The following LZTR1 variants were observed in gnomAD, a reference collection of about 807,000 sequenced individuals.
LZTR1 encodes leucine zipper like post translational regulator 1.
Under a neutral mutation model 105.7 loss-of-function variants are expected in LZTR1, and 260 were observed. The observed-to-expected ratio is 2.46, with a 90% CI of 2.22 to 2.72. LZTR1 has a LOEUF of 2.72. Ranked by LOEUF, LZTR1 falls within the 30% of genes most tolerant of loss-of-function variation. The pLI, the probability that LZTR1 is intolerant of heterozygous loss-of-function variation, is 0.00. For synonymous variants in LZTR1, 490 were observed against 476.4 expected (o/e 1.03, Z -0.37); for missense variants, 1,214 against 1,166.9 (o/e 1.04, Z -0.59).
chr22:20,984,799 A>G (rs1924321660), intron 2 of LZTR1, among the ~76,000 whole-genome samples: 1 of 152,192 alleles, frequency 6.6e-6, no homozygotes, highest in Non-Finnish European at 1.5e-5. Context: ...GCTGGGCATG[A>G]CGGGGCACTG....
At position 20,996,749 on chromosome 22, in the gene LZTR1, C is replaced by T. The variant is rs767013106; in HGVS notation, c.2273C>T (p.Ala758Val). The stretch of plus-strand genomic sequence containing the variant: ...GGCTTCTACAACAACCGGCTGCAGG[C>T]GTACTGCAAGCAGAACCTGGAGATG... Reference protein sequence around the residue: ...YYGFYNNRLQAYCKQNLEMNV... With the variant: ...YYGFYNNRLQVYCKQNLEMNV... The change falls in exon 19 of 21, where the codon GCG (alanine) becomes GTG (valine). Residue 758 changes from alanine (A) to valine (V), a missense_variant. Coordinates refer to ENST00000646124, the MANE Select transcript of LZTR1 (RefSeq NM_006767.4). 2.5e-6 allele frequency: 4 copies of T among 1,613,500 alleles called. No homozygotes were observed. Among genetic ancestry groups the T allele is most frequent in the East Asian group, 2.2e-5 (1 of 44,840 alleles).
intron 10 of LZTR1, 126 bp downstream of exon 10, chr22:20,992,495 G>A (rs967213548): frequency 8.7e-7 from 1 of 1,147,374 alleles, no homozygotes. Flanking sequence ...CACAAAGGGG[G>A]TACAGGGCCA....
Position 20,992,238 on chromosome 22 carries a change from C to T in LZTR1, c.1018C>T (p.Arg340Ter), listed in dbSNP as rs149850248. 106 of 1,613,572 alleles carry T rather than the reference C, an allele frequency of 6.6e-5. No individual in the cohort carries two copies. Among genetic ancestry groups the T allele is most frequent in the East Asian group, 1.3e-4 (6 of 44,878 alleles). ...SEVGGAEVPE[R>*]ACASEEVPTL... Reference sequence around the variant, plus strand: ...GGTTGGTGGGGCTGAAGTGCCCGAGCGAGCCTGTGCTTCCGAGGAGGTGCC... The same window carrying T: ...GGTTGGTGGGGCTGAAGTGCCCGAGTGAGCCTGTGCTTCCGAGGAGGTGCC... Residue 340 changes from arginine to a stop codon, truncating the protein, a stop_gained, in exon 10 of 21, where the codon CGA (arginine) becomes TGA (stop). Coordinates refer to ENST00000646124, the MANE Select transcript of LZTR1 (RefSeq NM_006767.4). LOFTEE classifies it high-confidence loss of function.
intron 1 of LZTR1, 40 bp downstream of exon 1, chr22:20,982,611 G>C (rs746992724): frequency 6.3e-7 from 1 of 1,589,314 alleles, no homozygotes; most frequent in Admixed American, 1.7e-5. Context: ...CAGGAAGGGC[G>C]ATCTGCGAGG....
rs1040868038 is a variant in LZTR1, at chr22:20,985,908, C to T, written c.320+11C>T. 47 of 1,613,814 alleles carry T rather than the reference C, an allele frequency of 2.9e-5. No individual in the cohort carries two copies. In the East Asian group the frequency reaches 1.0e-3, roughly 36 times the overall value. ...CTGCTCCTGGTGCAGGTGGGTGGCCCCGTGCTCCAGGGCCCTGCCTTTCCT... is the reference window on the plus strand; with the variant it reads ...CTGCTCCTGGTGCAGGTGGGTGGCCTCGTGCTCCAGGGCCCTGCCTTTCCT... On this transcript the variant is annotated intron_variant, in intron 3 of 20. Transcript: ENST00000646124.
chr22:20,991,518 T>A (rs1238965605), intron 8 of LZTR1, 110 bp from the exon 9 acceptor site: 11 of 847,770 alleles, frequency 1.3e-5, no homozygotes, highest in South Asian at 8.4e-5. Context: ...CCTGGGCTAG[T>A]CACCGTAAGG....
intron 11 of LZTR1, 100 bp downstream of exon 11, chr22:20,993,004 C>A: frequency 1.3e-6 from 1 of 794,140 alleles, no homozygotes; most frequent in Non-Finnish European, 2.0e-6. Flanking sequence ...CAGGCCATTG[C>A]CAGGGCCACA....
chr22:20,997,216 C>T lies in LZTR1; in HGVS notation c.2407-16C>T, dbSNP rs372553130. Reference sequence around the variant, plus strand: ...TGGATCTGGTCCCATCTCCTTCCGGCCTGCTTGCCTTACAGGTCTCCAAGT... The same window carrying T: ...TGGATCTGGTCCCATCTCCTTCCGGTCTGCTTGCCTTACAGGTCTCCAAGT... On this transcript the variant is annotated splice_polypyrimidine_tract_variant and intron_variant, in intron 20 of 20. Coordinates refer to ENST00000646124, the MANE Select transcript of LZTR1 (RefSeq NM_006767.4). 1.2e-5 allele frequency: 19 copies of T among 1,568,132 alleles called. No individual in the cohort carries two copies. The highest frequency in any genetic ancestry group is 5.0e-5 in the Admixed American group (3 of 59,968).
At chr22:20,996,581 T>C (rs557369165) in intron 18 of LZTR1, 115 bp from the exon 19 acceptor site, 9 of 771,984 alleles carry the variant, frequency 1.2e-5, no homozygotes, top group African/African-American at 1.7e-5. Context: ...CAGAATCCAT[T>C]TGGAGAGCAT....
In LZTR1 at chr22:20,997,330, G is replaced by A. The variant is rs1924904013; in HGVS notation, c.2505G>A (p.Glu835=). ...ASHISDKQCA[E]LGADI The stretch of plus-strand genomic sequence containing the variant: ...ACATCTCAGACAAGCAGTGCGCAGA[G>A]CTGGGCGCCGACATCTGAGGCCCTG... Residue 835 remains glutamate (E), a synonymous_variant, in exon 21 of 21, where the codon GAG becomes GAA. Transcript: ENST00000646124. The A allele has an allele frequency of 6.2e-7, 1 of 1,613,302 alleles. No homozygotes were observed. Among genetic ancestry groups the A allele is most frequent in the African/African-American group, 1.3e-5 (1 of 75,060 alleles).
At chr22:20,995,200 C>T (rs1234818176) in intron 16 of LZTR1, 174 bp downstream of exon 16, 7 of 745,548 alleles carry the variant, frequency 9.4e-6, no homozygotes, top group Admixed American at 4.4e-5. Context: ...CAGAAGCCCC[C>T]GACCCATGGG....
At position 20,998,660 on chromosome 22, in the gene LZTR1, G is replaced by A. The variant is rs1470742148; in HGVS notation, c.*1312G>A. On this transcript the variant is annotated 3_prime_UTR_variant, in exon 21 of 21. Coordinates refer to ENST00000646124, the MANE Select transcript of LZTR1 (RefSeq NM_006767.4). Reference sequence around the variant, plus strand: ...CTAGTGCAAGATGAGCTGGGAACAAGGGAGGAGAGAGCAGGAGCTGGGGCA... The same window carrying A: ...CTAGTGCAAGATGAGCTGGGAACAAAGGAGGAGAGAGCAGGAGCTGGGGCA... The A allele has an allele frequency of 6.5e-6, 1 of 153,106 alleles. No individual in the cohort carries two copies. Among genetic ancestry groups the A allele is most frequent in the Non-Finnish European group, 1.5e-5 (1 of 68,704 alleles). 9.5% of individuals were successfully genotyped at this position (153,106 alleles called of 1,614,324 possible). A position where few individuals can be genotyped will look rare whatever the true frequency, so the allele number is the denominator to read the frequency against.
chr22:20,995,674 G>A (rs546443062), intron 16 of LZTR1, 72 bp from the exon 17 acceptor site: 2 of 1,580,432 alleles, frequency 1.3e-6, no homozygotes, highest in Non-Finnish European at 1.7e-6. Flanking sequence ...CAGATATGCA[G>A]GAAGGTAGTG....
chr22:20,991,034 G>A, intron 8 of LZTR1: 1 of 163,138 alleles, frequency 6.1e-6, no homozygotes, highest in Admixed American at 5.6e-5. Context: ...GGGAGGAAGG[G>A]CAGGGAGCCC....
In LZTR1 at chr22:20,988,006, T is replaced by C; in HGVS notation, c.401-4T>C. ...TTTGACAGTTTCTCACTCTCTTTAC[T>C]CAGGGGGTTACACTGGGGACATTTA... On this transcript the variant is annotated splice_region_variant and splice_polypyrimidine_tract_variant and intron_variant, in intron 4 of 20. Coordinates refer to ENST00000646124, the MANE Select transcript of LZTR1 (RefSeq NM_006767.4). 1 of 1,555,220 alleles carries C rather than the reference T, an allele frequency of 6.4e-7. No individual in the cohort carries two copies. The highest frequency in any genetic ancestry group is 1.1e-5 in the South Asian group (1 of 89,486).
rs61742226 is a variant in LZTR1, at chr22:20,992,330, C to T, written c.1110C>T (p.Gly370=). ...GAGATGTGTTTGGCCTGGACTTTGG[C>T]ACCACCTCAGCCAAGCAGCCCACCC... The part of the protein sequence containing the change: ...KSRDVFGLDF[G]TTSAKQPTQP... Residue 370 remains glycine, a synonymous_variant, in exon 10 of 21, where the codon GGC becomes GGT. Transcript: ENST00000646124. 3.5e-5 allele frequency: 57 copies of T among 1,613,740 alleles called. No individual in the cohort carries two copies. Among genetic ancestry groups the T allele is most frequent in the Non-Finnish European group, 4.7e-5 (55 of 1,179,964 alleles).
At chr22:20,994,459 A>C in intron 14 of LZTR1, 99 bp from the exon 15 acceptor site, 1 of 1,369,546 alleles carries the variant, frequency 7.3e-7, no homozygotes, top group South Asian at 1.3e-5. Context: ...GTTCCTACCT[A>C]GTGGCCCCAG....
rs45572935 is a variant in LZTR1, at chr22:20,992,319, C to G, written c.1099C>G (p.Leu367Val). The change falls in exon 10 of 21, where the codon CTG becomes GTG. Residue 367 changes from leucine (L) to valine (V), a missense_variant. Transcript: ENST00000646124. ...GFKKSRDVFG[L>V]DFGTTSAKQP... Reference sequence around the variant, plus strand: ...CAAGAAGTCCCGAGATGTGTTTGGCCTGGACTTTGGCACCACCTCAGCCAA... The same window carrying G: ...CAAGAAGTCCCGAGATGTGTTTGGCGTGGACTTTGGCACCACCTCAGCCAA... 48 of 1,613,974 alleles carry G rather than the reference C, an allele frequency of 3.0e-5. No homozygotes were observed. Among genetic ancestry groups the G allele is most frequent in the Non-Finnish European group, 4.0e-5 (47 of 1,179,948 alleles).
intron 6 of LZTR1, 101 bp from the exon 7 acceptor site, chr22:20,989,524 G>A (rs910601482): frequency 3.6e-5 from 34 of 944,200 alleles, no homozygotes; most frequent in Non-Finnish European, 5.6e-5. Context: ...CCTACCCTGT[G>A]TGGGGGTGGG....
Sources: gnomAD v4.1 joint callset for allele counts (sites outside exome capture counted in the v4.1 genomes callset) on GRCh38, gnomAD v4.1.1 for gene constraint, MANE v1.5 for transcripts, NCBI Gene and HGNC (gene_info 2026-07-23, HGNC 2026-07-21) for gene names.